The following MTUS2 variants were observed in gnomAD, a reference collection of about 807,000 sequenced individuals.
The protein encoded by MTUS2 is microtubule-associated tumor suppressor candidate 2.
Under a neutral mutation model 114.1 loss-of-function variants are expected in MTUS2, and 40 were observed. That is an observed-to-expected ratio of 0.35 (90% CI 0.27 to 0.46). MTUS2 has a LOEUF of 0.46. MTUS2 is among the 20% of genes least tolerant of loss of function. The pLI is 1.00. For synonymous variants in MTUS2, 688 were observed against 672.0 expected (o/e 1.02, Z -0.37); for missense variants, 1,679 against 1,705.4 (o/e 0.98, Z 0.27).
chr13:29,294,924 G>T (rs1238805738), intron 6 of MTUS2, among the ~76,000 whole-genome samples: 1 of 152,214 alleles, frequency 6.6e-6, no homozygotes, highest in East Asian at 1.9e-4. Flanking sequence ...GCTCTCAGGA[G>T]CTGGCCAGTG....
At chr13:28,989,350 C>T (rs894911049) in intron 2 of MTUS2, among the ~76,000 whole-genome samples, 6 of 152,054 alleles carry the variant, frequency 3.9e-5, no homozygotes, top group Admixed American at 3.3e-4. Flanking sequence ...ACACCTTTTT[C>T]GATAAGGGAT....
At chr13:29,343,191 A>T (rs1593326369) in intron 7 of MTUS2, among the ~76,000 whole-genome samples, 1 of 65,106 alleles carries the variant, frequency 1.5e-5, no homozygotes, top group South Asian at 8.6e-4. Flanking sequence ...TTTAGGGAGG[A>T]TTCCCTCTTT....
chr13:28,973,954 C>T (rs571909613), intron 2 of MTUS2, among the ~76,000 whole-genome samples: 13 of 152,296 alleles, frequency 8.5e-5, no homozygotes, highest in African/African-American at 2.9e-4. Flanking sequence ...CTTCAGCAGC[C>T]TGTGTTTTTA....
intron 2 of MTUS2, among the ~76,000 whole-genome samples, chr13:28,866,174 T>C (rs1877286008): frequency 6.6e-6 from 1 of 152,200 alleles, no homozygotes; most frequent in Non-Finnish European, 1.5e-5. Context: ...TGGGAGCACA[T>C]GTGAGCACGG....
chr13:29,341,746 T>C (rs979752911), intron 7 of MTUS2, among the ~76,000 whole-genome samples: 5 of 152,176 alleles, frequency 3.3e-5, no homozygotes, highest in African/African-American at 1.2e-4. Context: ...GTTTTTCTGA[T>C]GTTATCTTCT....
intron 2 of MTUS2, among the ~76,000 whole-genome samples, chr13:28,898,138 G>A (rs1457766483): frequency 2.0e-5 from 3 of 152,118 alleles, no homozygotes; most frequent in Admixed American, 6.6e-5. Flanking sequence ...GTATAATTTG[G>A]AGGACCCAGT....
At position 28,908,871 on chromosome 13, in the gene MTUS2, A is replaced by C. The variant is rs950466161; in HGVS notation, c.-243+69021A>C. 4.6e-5 allele frequency among the ~76,000 whole-genome samples: 7 copies of C among 151,524 alleles called. 1 individual carries two copies. Among genetic ancestry groups the C allele is most frequent in the African/African-American group, 1.5e-4 (6 of 41,034 alleles). On this transcript the variant is annotated intron_variant, in intron 2 of 15. Coordinates refer to ENST00000612955, the MANE Select transcript of MTUS2 (RefSeq NM_001033602.4). ...CATCTTGAATTAATTTTTGTATAAG[A>C]TATAAGGAAGGGACCCAGTTTCAGC... is the stretch of plus-strand genomic sequence containing the variant.
chr13:29,340,403 A>G (rs74042004), intron 7 of MTUS2, among the ~76,000 whole-genome samples: 261 of 152,230 alleles, frequency 1.7e-3, no homozygotes, highest in African/African-American at 6.0e-3. Context: ...ACACTTGGAT[A>G]CTCTTTCAAG....
intron 8 of MTUS2, among the ~76,000 whole-genome samples, chr13:29,438,515 C>G (rs1177756977): frequency 6.6e-6 from 1 of 152,162 alleles, no homozygotes; most frequent in Non-Finnish European, 1.5e-5. Flanking sequence ...GCTGTATCCT[C>G]ACACGGAGGA....
At chr13:28,830,057 C>T (rs188504071) in intron 1 of MTUS2, among the ~76,000 whole-genome samples, 15 of 152,250 alleles carry the variant, frequency 9.9e-5, no homozygotes, top group African/African-American at 2.2e-4. Flanking sequence ...ATCTCTGTAC[C>T]GTCATTAGCT....
chr13:29,227,684 A>T (rs1051631482), intron 5 of MTUS2, among the ~76,000 whole-genome samples: 1 of 152,198 alleles, frequency 6.6e-6, no homozygotes, highest in Admixed American at 6.6e-5. Flanking sequence ...TCTGAGAGGG[A>T]AGTTACTTTA....
At chr13:28,860,650 C>T (rs75708596) in intron 2 of MTUS2, among the ~76,000 whole-genome samples, 2,641 of 152,270 alleles carry the variant, frequency 0.017, 35 homozygotes, top group Non-Finnish European at 0.027. Flanking sequence ...TCTGACTGAC[C>T]GCACCCTCCT....
intron 5 of MTUS2, 120 bp downstream of exon 5, chr13:29,101,090 C>T: frequency 9.1e-7 from 1 of 1,104,200 alleles, no homozygotes. Context: ...CCTTAGCTTC[C>T]CATTGTTGTG....
At chr13:29,167,755 G>A (rs1392677507) in intron 5 of MTUS2, among the ~76,000 whole-genome samples, 1 of 152,098 alleles carries the variant, frequency 6.6e-6, no homozygotes, top group Non-Finnish European at 1.5e-5. Context: ...AATGCTCACT[G>A]AAGCATTTGG....
At chr13:29,457,229 C>G (rs1052833933) in intron 9 of MTUS2, among the ~76,000 whole-genome samples, 2 of 151,696 alleles carry the variant, frequency 1.3e-5, no homozygotes, top group Non-Finnish European at 2.9e-5. Context: ...GCTATGAATA[C>G]ATCTATGTAA....
chr13:29,326,644 T>C (rs900980168), intron 7 of MTUS2, among the ~76,000 whole-genome samples: 1 of 152,284 alleles, frequency 6.6e-6, no homozygotes, highest in Middle Eastern at 3.4e-3. Context: ...AAATATGTCA[T>C]AATGACTTAC....
At chr13:29,058,327 A>G (rs373679329) in intron 4 of MTUS2, among the ~76,000 whole-genome samples, 11 of 151,216 alleles carry the variant, frequency 7.3e-5, no homozygotes, top group Non-Finnish European at 1.2e-4. Flanking sequence ...TGGCCTCTCT[A>G]CTGAGGTTGG....
intron 5 of MTUS2, among the ~76,000 whole-genome samples, chr13:29,203,532 G>C (rs73447271): frequency 6.9e-6 from 1 of 145,086 alleles, no homozygotes; most frequent in African/African-American, 2.6e-5. Flanking sequence ...GTTTTGTCTC[G>C]CTGATGTTCC....
chr13:28,825,573 C>CA (rs926624020), intron 1 of MTUS2, among the ~76,000 whole-genome samples: 1 of 152,040 alleles, frequency 6.6e-6, no homozygotes, highest in African/African-American at 2.4e-5. Flanking sequence ...CTAACCAGAA[C>CA]AACACACACA....
Sources: allele counts gnomAD v4.1 joint callset (sites outside exome capture counted in the v4.1 genomes callset), GRCh38; gene constraint gnomAD v4.1.1; transcripts MANE v1.5; gene names NCBI Gene and HGNC (gene_info 2026-07-23, HGNC 2026-07-21).